Variants in AGBL3 observed in about 807,000 individuals in gnomAD.
AGBL3 encodes the protein AGBL carboxypeptidase 3.
In AGBL3, 68 loss-of-function variants were observed where a neutral mutation model predicts 94.5. That is an observed-to-expected ratio of 0.72 (90% CI 0.59 to 0.88). The LOEUF (loss-of-function observed/expected upper bound fraction) is 0.88. Ranked by LOEUF, AGBL3 falls within the 40% of genes least tolerant of loss-of-function variation. AGBL3 has a pLI of 0.00. For missense variants in AGBL3, 934 were observed against 1,103.8 expected (o/e 0.85, Z 2.18); for synonymous variants, 354 against 370.7 (o/e 0.95, Z 0.52).
chr7:135,020,868 T>C (rs1181797818), intron 5 of AGBL3, among the ~76,000 whole-genome samples: 1 of 135,992 alleles, frequency 7.4e-6, no homozygotes, highest in Non-Finnish European at 1.5e-5. Context: ...ATGAGAACAC[T>C]TGGACACAGG....
At chr7:135,058,570 C>T (rs920288568) in intron 11 of AGBL3, among the ~76,000 whole-genome samples, 1 of 152,000 alleles carries the variant, frequency 6.6e-6, no homozygotes, top group African/African-American at 2.4e-5. Context: ...TGAGTGCCTA[C>T]TATATGCCAA....
At chr7:135,087,334 T>C (rs1169516242) in intron 15 of AGBL3, among the ~76,000 whole-genome samples, 1 of 151,982 alleles carries the variant, frequency 6.6e-6, no homozygotes, top group South Asian at 2.1e-4. Flanking sequence ...TTTCATATAC[T>C]CTGTTCTGAT....
At chr7:135,130,123 C>A (rs1053199606) in intron 16 of AGBL3, among the ~76,000 whole-genome samples, 5 of 152,008 alleles carry the variant, frequency 3.3e-5, no homozygotes, top group African/African-American at 9.7e-5. Context: ...TAGGTAGAAG[C>A]CTTATGAAAA....
rs2718151 is a variant in AGBL3 at position 134,989,439 on chromosome 7, C to A, written c.124+129C>A. ...TATTCTAGTAGATTGTGAAAGAGAA[C>A]TGTATCTACTTGCAGAGTTCAAACT... On this transcript the variant is annotated intron_variant, in intron 3 of 16. Coordinates refer to ENST00000436302, the MANE Select transcript of AGBL3 (RefSeq NM_178563.4). The A allele has an allele frequency of 0.022, 14,006 of 629,454 alleles. 1,482 individuals are homozygous for A. In the African/African-American group the frequency reaches 0.23, roughly 11 times the overall value. 39.0% of individuals were successfully genotyped at this position (629,454 alleles called of 1,614,324 possible). A position where few individuals can be genotyped will look rare whatever the true frequency, so the allele number is the denominator to read the frequency against.
chr7:135,046,460 G>GTT (rs1172590745), intron 11 of AGBL3, among the ~76,000 whole-genome samples: 4 of 152,006 alleles, frequency 2.6e-5, no homozygotes, highest in Non-Finnish European at 5.9e-5. Context: ...TTCACCCTAA[G>GTT]AATCCACCTA....
At chr7:135,081,437 T>C (rs184925731) in intron 14 of AGBL3, among the ~76,000 whole-genome samples, 23 of 152,254 alleles carry the variant, frequency 1.5e-4, no homozygotes, top group African/African-American at 5.5e-4. Flanking sequence ...TTTTTTCCTA[T>C]TGTAAACAAC....
intron 16 of AGBL3, among the ~76,000 whole-genome samples, chr7:135,119,897 G>GAA (rs1826903357): frequency 6.6e-6 from 1 of 152,014 alleles, no homozygotes; most frequent in African/African-American, 2.4e-5. Flanking sequence ...AAAAGAAAAA[G>GAA]AAAGGAGTCA....
At chr7:134,996,443 T>C (rs940747858) in intron 4 of AGBL3, among the ~76,000 whole-genome samples, 5 of 152,092 alleles carry the variant, frequency 3.3e-5, no homozygotes, top group African/African-American at 1.2e-4. Flanking sequence ...ACATCATTAA[T>C]CTTACTGTTC....
rs150624252 is a variant in AGBL3 at position 134,986,864 on chromosome 7, C to T, written c.-60+163C>T. On this transcript the variant is annotated intron_variant, in intron 1 of 16. Coordinates refer to ENST00000436302, the MANE Select transcript of AGBL3 (RefSeq NM_178563.4). ...CCCGCCAAAAACGCCTTGGTACTGT[C>T]GGGACGCGGCTAAGCGTGGACGCGC... is the stretch of plus-strand genomic sequence containing the variant. 1.3e-3 allele frequency among the ~76,000 whole-genome samples: 192 copies of T among 152,360 alleles called. 3 individuals are homozygous for T. The highest frequency in any genetic ancestry group is 4.5e-3 in the African/African-American group (189 of 41,586).
Position 135,075,211 on chromosome 7 carries a change from C to T in AGBL3, c.1909-1186C>T, listed in dbSNP as rs186065214. ...CATATTGCCCTCTTAAAGCCATACC[C>T]ACTCCCTCCTGTCCTTACCTTGCAG... On this transcript the variant is annotated intron_variant, in intron 12 of 16. Transcript: ENST00000436302. 2.8e-3 allele frequency among the ~76,000 whole-genome samples: 427 copies of T among 152,232 alleles called. 1 individual carries two copies. Among genetic ancestry groups the T allele is most frequent in the Non-Finnish European group, 3.6e-3 (246 of 68,006 alleles).
intron 11 of AGBL3, among the ~76,000 whole-genome samples, chr7:135,053,537 G>A (rs1446367048): frequency 6.6e-6 from 1 of 152,144 alleles, no homozygotes; most frequent in Non-Finnish European, 1.5e-5. Flanking sequence ...AACCCGGGAG[G>A]CGGAGGTTGC....
intron 15 of AGBL3, among the ~76,000 whole-genome samples, chr7:135,108,519 T>C (rs1825115638): frequency 6.6e-6 from 1 of 152,204 alleles, no homozygotes; most frequent in Non-Finnish European, 1.5e-5. Context: ...TCTTTAAGAA[T>C]ATTGAATATA....
chr7:135,082,058 A>C (rs1418115984), intron 15 of AGBL3, among the ~76,000 whole-genome samples: 1 of 152,236 alleles, frequency 6.6e-6, no homozygotes, highest in Non-Finnish European at 1.5e-5. Flanking sequence ...CCCCAGGCTC[A>C]TCCAACCTCT....
chr7:135,017,609 T>TTTAATTC (rs1813958081), intron 5 of AGBL3, among the ~76,000 whole-genome samples: 1 of 152,182 alleles, frequency 6.6e-6, no homozygotes, highest in Non-Finnish European at 1.5e-5. Context: ...AAATCAAACA[T>TTTAATTC]AGAAGTCTCA....
chr7:135,090,461 T>C (rs1270806065), intron 15 of AGBL3, among the ~76,000 whole-genome samples: 2 of 152,192 alleles, frequency 1.3e-5, no homozygotes, highest in East Asian at 3.9e-4. Context: ...CTACGTCAGC[T>C]CAGTCCTGGG....
intron 15 of AGBL3, among the ~76,000 whole-genome samples, chr7:135,112,114 C>T (rs183224669): frequency 6.6e-6 from 1 of 152,296 alleles, no homozygotes; most frequent in African/African-American, 2.4e-5. Flanking sequence ...TCCATTCTAC[C>T]TCTAAAGATT....
chr7:135,037,691 T>G, intron 8 of AGBL3, 111 bp downstream of exon 8: 1 of 829,284 alleles, frequency 1.2e-6, no homozygotes, highest in Non-Finnish European at 1.7e-6. Flanking sequence ...TTTTAGTTAG[T>G]TTGACCAGTT....
intron 14 of AGBL3, among the ~76,000 whole-genome samples, chr7:135,080,848 C>A (rs912479016): frequency 1.1e-4 from 16 of 146,766 alleles, no homozygotes; most frequent in Admixed American, 4.1e-4. Flanking sequence ...TCTAAAATAC[C>A]TAATTTTTTA....
chr7:135,129,723 TG>T (rs1828462776), intron 16 of AGBL3: 2 of 736,282 alleles, frequency 2.7e-6, no homozygotes, highest in South Asian at 2.9e-5. Context: ...GGAAGTGGAT[TG>T]GTTTTCCCTA....
Sources: gnomAD v4.1 joint callset for allele counts (sites outside exome capture counted in the v4.1 genomes callset) on GRCh38, gnomAD v4.1.1 for gene constraint, MANE v1.5 for transcripts, NCBI Gene and HGNC (gene_info 2026-07-23, HGNC 2026-07-21) for gene names.